IGFL4: variants seen among roughly 807,000 people sequenced by gnomAD.
IGFL4 encodes the protein insulin growth factor-like family member 4.
A neutral mutation model predicts 15.4 loss-of-function variants in IGFL4; 12 were observed. That is an observed-to-expected ratio of 0.78 (90% CI 0.50 to 1.26). The LOEUF (loss-of-function observed/expected upper bound fraction) is 1.26. Among genes scored for constraint, IGFL4 ranks in the 50% most tolerant of loss-of-function variants. The probability of loss-of-function intolerance (pLI) is 0.00; values close to 1 mark genes in which losing one functional copy is unlikely to be tolerated. For missense variants in IGFL4, 126 were observed against 147.8 expected, an observed-to-expected ratio of 0.85 and a Z score of 0.76; for synonymous variants, 54 against 55.9, an observed-to-expected ratio of 0.97 and a Z score of 0.16.
chr19:46,046,791 C>G (rs143444050), intron 2 of IGFL4, among the ~76,000 whole-genome samples: 263 of 152,312 alleles, frequency 1.7e-3, no homozygotes, highest in Non-Finnish European at 2.5e-3. Context: ...AGACTTAAGA[C>G]TCCCACACAA....
Position 46,040,740 on chromosome 19 carries a change from G to C in IGFL4, c.20-172C>G. 1 of 947,390 alleles carries C rather than the reference G, an allele frequency of 1.1e-6. No individual in the cohort carries two copies. Among genetic ancestry groups the C allele is most frequent in the Non-Finnish European group, 1.7e-6 (1 of 605,618 alleles). 58.7% of individuals were successfully genotyped at this position (947,390 alleles called of 1,614,324 possible). On this transcript the variant is annotated intron_variant, in intron 1 of 3. Transcript: ENST00000377697. This position sits in a 1 kb window ranked among gnomAD's most constrained non-coding sequence, Gnocchi z 4.1. ...TGGGCTTGGCAGGTGAGGAAAGGCA[G>C]GGAGGGCTCTGGGAAAAGTTAAGCT...
upstream of IGFL4, among the ~76,000 whole-genome samples, chr19:46,042,958 A>G (rs1007471938): frequency 2.0e-5 from 3 of 152,196 alleles, no homozygotes; most frequent in Non-Finnish European, 2.9e-5. Context: ...GTGTTCTGCC[A>G]TGACATACAT....
upstream of IGFL4, among the ~76,000 whole-genome samples, chr19:46,043,432 T>G (rs1337710350): frequency 1.3e-5 from 2 of 152,138 alleles, no homozygotes; most frequent in African/African-American, 4.8e-5. Flanking sequence ...TTGTCTCAGA[T>G]AGAAGCAAAA....
intron 1 of IGFL4, among the ~76,000 whole-genome samples, chr19:46,063,826 G>C (rs1359634264): frequency 1.3e-5 from 2 of 152,164 alleles, no homozygotes; most frequent in African/African-American, 4.8e-5. Flanking sequence ...GAAATAAACA[G>C]AGCTATTCCA....
Position 46,040,650 on chromosome 19 carries a change from CT to C in IGFL4, c.20-83del. 1 of 1,488,300 alleles carries C rather than the reference CT, an allele frequency of 6.7e-7. No homozygotes were observed. 92.2% of individuals were successfully genotyped at this position (1,488,300 alleles called of 1,614,324 possible). A position where few individuals can be genotyped will look rare whatever the true frequency, so the allele number is the denominator to read the frequency against. On this transcript the variant is annotated intron_variant, in intron 1 of 3. Transcript: ENST00000377697. This position sits in a 1 kb window ranked among gnomAD's most constrained non-coding sequence, Gnocchi z 4.1. The stretch of plus-strand genomic sequence containing the variant: ...GGCACAGGATGATGTCTCTGAGCTT[CT>C]CTGGTTGCTGTTAACAGCTCAGAGT...
chr19:46,042,820 A>G (rs918522308), upstream of IGFL4, among the ~76,000 whole-genome samples: 4 of 152,176 alleles, frequency 2.6e-5, no homozygotes, highest in Non-Finnish European at 4.4e-5. Context: ...ATCCCTCCCT[A>G]GAAGCCAGAG....
At position 46,040,620 on chromosome 19, in the gene IGFL4, C is replaced by T. The variant is rs887379673; in HGVS notation, c.20-52G>A. On this transcript the variant is annotated intron_variant, in intron 1 of 3. Transcript: ENST00000377697. The surrounding 1 kb of genome is among the most constrained non-coding windows in gnomAD (Gnocchi z 4.1). ...GATTCTGAGGTCACTAGGTCTTGACCACGGGGCACAGGATGATGTCTCTGA... is the reference window on the plus strand; with the variant it reads ...GATTCTGAGGTCACTAGGTCTTGACTACGGGGCACAGGATGATGTCTCTGA... The T allele has an allele frequency of 1.1e-5, 17 of 1,582,962 alleles. No individual in the cohort carries two copies. Among genetic ancestry groups the T allele is most frequent in the Non-Finnish European group, 1.5e-5 (17 of 1,152,600 alleles).
chr19:46,068,632 ATTG>A (rs1969517195), intron 1 of IGFL4, among the ~76,000 whole-genome samples: 1 of 152,072 alleles, frequency 6.6e-6, no homozygotes, highest in African/African-American at 2.4e-5. Flanking sequence ...CACAGATAGA[ATTG>A]TTCATCTGTG....
At chr19:46,072,247 C>T (rs1014420230) in intron 1 of IGFL4, among the ~76,000 whole-genome samples, 1 of 152,192 alleles carries the variant, frequency 6.6e-6, no homozygotes, top group Non-Finnish European at 1.5e-5. Flanking sequence ...GACAGTTTCC[C>T]AACGGAAGTG....
intron 1 of IGFL4, among the ~76,000 whole-genome samples, chr19:46,070,810 A>G (rs1415803802): frequency 1.3e-5 from 2 of 152,210 alleles, no homozygotes; most frequent in African/African-American, 4.8e-5. Flanking sequence ...GTGGGCCTGA[A>G]GTACTCCTTA....
chr19:46,046,033 C>G (rs186346323), intron 2 of IGFL4, among the ~76,000 whole-genome samples: 1 of 152,222 alleles, frequency 6.6e-6, no homozygotes, highest in East Asian at 1.9e-4. Flanking sequence ...AGGTAACCTA[C>G]AAAGAAAAGC....
upstream of IGFL4, among the ~76,000 whole-genome samples, chr19:46,042,011 T>A (rs1969250063): frequency 6.6e-6 from 1 of 151,872 alleles, no homozygotes; most frequent in Non-Finnish European, 1.5e-5. Flanking sequence ...GCTAATTTTT[T>A]TGTATTTTTC....
At chr19:46,041,184 C>T (rs1969239787), upstream of IGFL4, 2 of 510,762 alleles carry the variant, frequency 3.9e-6, no homozygotes. Context: ...GTTGCTGCCT[C>T]CTCAGACCCT....
Position 46,040,474 on chromosome 19 carries a change from A to T in IGFL4, c.70+44T>A, listed in dbSNP as rs1452745947. The T allele has an allele frequency of 1.9e-6, 3 of 1,613,708 alleles. No individual in the cohort carries two copies. Among genetic ancestry groups the T allele is most frequent in the Non-Finnish European group, 2.5e-6 (3 of 1,179,776 alleles). ...ACCAGCCTAGGACCACCTCCCCACC[A>T]ACCTTAATGCTGTTCTCTCCTCCCT... On this transcript the variant is annotated intron_variant, in intron 2 of 3. Transcript: ENST00000377697. The surrounding 1 kb of genome is among the most constrained non-coding windows in gnomAD (Gnocchi z 4.1).
chr19:46,070,507 G>GA (rs1426898294), intron 1 of IGFL4, among the ~76,000 whole-genome samples: 1 of 151,814 alleles, frequency 6.6e-6, no homozygotes, highest in Admixed American at 6.6e-5. Flanking sequence ...AAAAAAAAAG[G>GA]AATTTTATTT....
chr19:46,041,838 T>TTTTTTC (rs1969247608), upstream of IGFL4, among the ~76,000 whole-genome samples: 1 of 24,556 alleles, frequency 4.1e-5, no homozygotes, highest in African/African-American at 1.1e-4. Context: ...CCTCTCTCTC[T>TTTTTTC]TTTTTTTTTT....
chr19:46,069,658 A>C (rs1969527213), intron 1 of IGFL4, among the ~76,000 whole-genome samples: 1 of 152,214 alleles, frequency 6.6e-6, no homozygotes, highest in Non-Finnish European at 1.5e-5. Context: ...TTTATGGATA[A>C]ATTGTAATTT....
At chr19:46,075,496 T>C (rs1369612627) in intron 1 of IGFL4, among the ~76,000 whole-genome samples, 1 of 152,208 alleles carries the variant, frequency 6.6e-6, no homozygotes, top group African/African-American at 2.4e-5. Flanking sequence ...GGTAAGGTTG[T>C]AGAATATCCC....
intron 1 of IGFL4, among the ~76,000 whole-genome samples, chr19:46,073,979 C>T (rs1415343666): frequency 3.3e-5 from 5 of 151,930 alleles, no homozygotes; most frequent in Non-Finnish European, 7.4e-5. Flanking sequence ...AAAAAATCAA[C>T]ATTTCTTTCC....
Sources: gnomAD v4.1 joint callset for allele counts (sites outside exome capture counted in the v4.1 genomes callset) on GRCh38, gnomAD v4.1.1 for gene constraint, Gnocchi (gnomAD v3.1) non-coding constraint, MANE v1.5 for transcripts, NCBI Gene and HGNC (gene_info 2026-07-23, HGNC 2026-07-21) for gene names.